Variants in SARS1 observed in about 807,000 individuals in gnomAD.
The protein encoded by SARS1 is seryl-tRNA synthetase 1.
SARS1 carries 25 observed loss-of-function variants against 63.7 expected under a neutral mutation model. That is an observed-to-expected ratio of 0.39 (90% CI 0.29 to 0.55). The LOEUF (loss-of-function observed/expected upper bound fraction) is 0.55, where lower values mean the gene tolerates loss of function less well. Ranked by LOEUF, SARS1 falls within the 20% of genes least tolerant of loss-of-function variation. SARS1 has a pLI of 0.62. For synonymous variants in SARS1, 231 were observed against 243.5 expected, an observed-to-expected ratio of 0.95 and a Z score of 0.48; for missense variants, 417 against 649.7, an observed-to-expected ratio of 0.64 and a Z score of 3.89.
Position 109,238,027 on chromosome 1 carries a change from T to G in SARS1, c.*139T>G. 1.1e-6 allele frequency: 1 copy of G among 880,076 alleles called. No individual in the cohort carries two copies. Among genetic ancestry groups the G allele is most frequent in the Non-Finnish European group, 1.8e-6 (1 of 570,262 alleles). 54.5% of individuals were successfully genotyped at this position (880,076 alleles called of 1,614,324 possible). The stretch of plus-strand genomic sequence containing the variant: ...CGTAGCTGAGAGGGGAACAGTGCCA[T>G]GTACCACACAGATGTTCCTGTCTCC... On this transcript the variant is annotated 3_prime_UTR_variant, in exon 11 of 11. Transcript: ENST00000234677.
chr1:109,220,577 T>A (rs111931243), intron 1 of SARS1, among the ~76,000 whole-genome samples: 4 of 152,374 alleles, frequency 2.6e-5, no homozygotes, highest in African/African-American at 9.6e-5. Flanking sequence ...CTTAGTGGTT[T>A]GTAGGAATTA....
chr1:109,233,722 A>C (rs1655252137), intron 6 of SARS1, among the ~76,000 whole-genome samples: 1 of 151,606 alleles, frequency 6.6e-6, no homozygotes, highest in Admixed American at 6.6e-5. Flanking sequence ...TTTGAGACAG[A>C]GTCTCACTCT....
At chr1:109,233,067 A>C (rs773544810) in intron 6 of SARS1, among the ~76,000 whole-genome samples, 2 of 152,230 alleles carry the variant, frequency 1.3e-5, no homozygotes, top group African/African-American at 2.4e-5. Flanking sequence ...AAATGTTCTA[A>C]GTCTGCATGA....
At position 109,237,702 on chromosome 1, in the gene SARS1, A is replaced by T. The variant is rs748749263; in HGVS notation, c.1388-29A>T. On this transcript the variant is annotated intron_variant, in intron 10 of 10. Transcript: ENST00000234677. The surrounding 1 kb of genome is among the most constrained non-coding windows in gnomAD (Gnocchi z 4.1). ...GGGCTTTGACTCACTGAGAAACAAC[A>T]GGTCATTTGGTTGGCTCTTCCCTCC... 1.9e-6 allele frequency: 3 copies of T among 1,611,448 alleles called. No homozygotes were observed. In the African/African-American group the frequency reaches 4.0e-5, roughly 22 times the overall value.
chr1:109,217,404 T>G (rs866980077), intron 1 of SARS1, among the ~76,000 whole-genome samples: 8 of 152,048 alleles, frequency 5.3e-5, no homozygotes, highest in Non-Finnish European at 7.4e-5. Context: ...GATCATAAAG[T>G]TTAAGCATTA....
intron 1 of SARS1, among the ~76,000 whole-genome samples, chr1:109,218,645 C>G (rs1387556236): frequency 2.0e-5 from 3 of 152,112 alleles, no homozygotes; most frequent in South Asian, 2.1e-4. Context: ...ATAGGGCCTC[C>G]CGCTCTTTGC....
In SARS1 at chr1:109,214,596, C is replaced by T. The variant is rs562391480; in HGVS notation, c.136+468C>T. ...CGTCACTTCTGCAACACAGTAGATT[C>T]ATTCCTTCGGTATCGGAAGCATTTC... On this transcript the variant is annotated intron_variant, in intron 1 of 10. Transcript: ENST00000234677. This position sits in a 1 kb window ranked among gnomAD's most constrained non-coding sequence, Gnocchi z 4.6. 9.7e-5 allele frequency: 96 copies of T among 986,200 alleles called. No individual in the cohort carries two copies. The Middle Eastern group carries it at 2.6e-3, about 27-fold the overall frequency. 61.1% of individuals were successfully genotyped at this position (986,200 alleles called of 1,614,324 possible). A position where few individuals can be genotyped will look rare whatever the true frequency, so the allele number is the denominator to read the frequency against.
rs1366993081 is a variant in SARS1 at position 109,229,871 on chromosome 1, A to G, written c.447+299A>G. ...CTCGTGGGAGGGATCTGCTAAATCAACCTAACCCCTTCACCCACACCCTGC... is the reference window on the plus strand; with the variant it reads ...CTCGTGGGAGGGATCTGCTAAATCAGCCTAACCCCTTCACCCACACCCTGC... On this transcript the variant is annotated intron_variant, in intron 4 of 10. Coordinates refer to ENST00000234677, the MANE Select transcript of SARS1 (RefSeq NM_006513.4). Among the ~76,000 whole-genome samples, 4 of 152,270 alleles carry G rather than the reference A, an allele frequency of 2.6e-5. No individual in the cohort carries two copies. The East Asian group carries it at 7.7e-4, about 29-fold the overall frequency.
At position 109,235,194 on chromosome 1, in the gene SARS1, CTCCT is replaced by C. The variant is rs771374380; in HGVS notation, c.748-8_748-5del. The C allele has an allele frequency of 1.1e-5, 17 of 1,601,036 alleles. No individual in the cohort carries two copies. Among genetic ancestry groups the C allele is most frequent in the Non-Finnish European group, 1.7e-6 (2 of 1,168,208 alleles). ...CCCCACTTCCTCTTAACTGGTATAG[CTCCT>C]TCCTTCCACAGGTGATTGGCAAAGG... On this transcript the variant is annotated splice_polypyrimidine_tract_variant and intron_variant, in intron 6 of 10. Coordinates refer to ENST00000234677, the MANE Select transcript of SARS1 (RefSeq NM_006513.4). This position sits in a 1 kb window ranked among gnomAD's most constrained non-coding sequence, Gnocchi z 4.7.
rs747490645 is a variant in SARS1 at position 109,223,947 on chromosome 1, T to C, written c.137-31T>C. 14 of 1,533,342 alleles carry C rather than the reference T, an allele frequency of 9.1e-6. 1 individual carries two copies. In the South Asian group the frequency reaches 1.3e-4, roughly 15 times the overall value. 95.0% of individuals were successfully genotyped at this position (1,533,342 alleles called of 1,614,324 possible). A position where few individuals can be genotyped will look rare whatever the true frequency, so the allele number is the denominator to read the frequency against. ...GGAGTATCTTAATTATGGGCATTTC[T>C]TTGGTATAGTCTTGGATTCTTTATT... is the stretch of plus-strand genomic sequence containing the variant. On this transcript the variant is annotated intron_variant, in intron 1 of 10. Transcript: ENST00000234677.
chr1:109,222,425 T>C (rs1250896961), intron 1 of SARS1, among the ~76,000 whole-genome samples: 3 of 152,158 alleles, frequency 2.0e-5, no homozygotes, highest in Non-Finnish European at 4.4e-5. Context: ...TGTAAATTTG[T>C]ATAACCACTG....
intron 2 of SARS1, among the ~76,000 whole-genome samples, chr1:109,226,705 C>T (rs570285679): frequency 0.36 from 21,251 of 58,520 alleles, 2,901 homozygotes; most frequent in East Asian, 0.53. Flanking sequence ...TATACACACA[C>T]ACACACACAC....
chr1:109,218,955 T>C (rs866892178), intron 1 of SARS1, among the ~76,000 whole-genome samples: 7 of 152,048 alleles, frequency 4.6e-5, no homozygotes, highest in South Asian at 2.1e-4. Context: ...TACACCAATG[T>C]AACACTTAGA....
intron 6 of SARS1, among the ~76,000 whole-genome samples, chr1:109,232,718 G>A (rs2101203454): frequency 6.6e-6 from 1 of 152,298 alleles, no homozygotes; most frequent in South Asian, 2.1e-4. Context: ...ATGAAGGGAG[G>A]AATGTGTTCC....
chr1:109,224,262 C>A (rs1384404064), intron 2 of SARS1, among the ~76,000 whole-genome samples: 1 of 152,186 alleles, frequency 6.6e-6, no homozygotes, highest in Admixed American at 6.5e-5. Context: ...CTTCTGTGTT[C>A]AGGTAAGATT....
Position 109,214,692 on chromosome 1 carries a change from A to G in SARS1, c.136+564A>G. On this transcript the variant is annotated intron_variant, in intron 1 of 10. Coordinates refer to ENST00000234677, the MANE Select transcript of SARS1 (RefSeq NM_006513.4). This position sits in a 1 kb window ranked among gnomAD's most constrained non-coding sequence, Gnocchi z 4.6. ...TTTTCGGAAGGCCATCCCCCGACCT[A>G]TGGGCATACCTTTAAGAATTAGAAA... 3.0e-6 allele frequency: 3 copies of G among 985,580 alleles called. No homozygotes were observed. The highest frequency in any genetic ancestry group is 4.7e-5 in the South Asian group (1 of 21,310). 61.1% of individuals were successfully genotyped at this position (985,580 alleles called of 1,614,324 possible). A position where few individuals can be genotyped will look rare whatever the true frequency, so the allele number is the denominator to read the frequency against.
Position 109,214,431 on chromosome 1 carries a change from A to G in SARS1, c.136+303A>G, listed in dbSNP as rs1570750963. ...TTCCTGCCCCAGGGGTTGCCAGAACATGCCGGGGCGGGAGGTTGTGGGGTC... is the reference window on the plus strand; with the variant it reads ...TTCCTGCCCCAGGGGTTGCCAGAACGTGCCGGGGCGGGAGGTTGTGGGGTC... On this transcript the variant is annotated intron_variant, in intron 1 of 10. Transcript: ENST00000234677. This position sits in a 1 kb window ranked among gnomAD's most constrained non-coding sequence, Gnocchi z 4.6. 3.8e-6 allele frequency: 3 copies of G among 781,280 alleles called. No individual in the cohort carries two copies. Among genetic ancestry groups the G allele is most frequent in the East Asian group, 5.9e-5 (1 of 16,808 alleles). The allele number at this position is 781,280 out of a possible 1,614,324, so 48.4% of individuals were successfully genotyped here.
Position 109,236,376 on chromosome 1 carries a change from G to C in SARS1, c.1100-15G>C. 6.3e-7 allele frequency: 1 copy of C among 1,584,170 alleles called. No individual in the cohort carries two copies. Among genetic ancestry groups the C allele is most frequent in the Non-Finnish European group, 8.6e-7 (1 of 1,157,798 alleles). ...CCATCCCTCCTTCATGAATTCTAGGGGTTTTTCCTTACAGGTTCTTTGAAT... is the reference window on the plus strand; with the variant it reads ...CCATCCCTCCTTCATGAATTCTAGGCGTTTTTCCTTACAGGTTCTTTGAAT... On this transcript the variant is annotated splice_polypyrimidine_tract_variant and intron_variant, in intron 8 of 10. Transcript: ENST00000234677.
At position 109,237,284 on chromosome 1, in the gene SARS1, C is replaced by G; in HGVS notation, c.1298C>G (p.Thr433Ser). ...VHMLNATMCA[T>S]TRTICAILEN... ...ATGCTCAATGCTACCATGTGCGCCA[C>G]TACCCGTACCATCTGCGCCATCCTG... Residue 433 changes from threonine (T) to serine (S), a missense_variant, in exon 10 of 11, where the codon ACT becomes AGT. By Grantham distance (58) the Thr-to-Ser change is moderately conservative. Transcript: ENST00000234677. This position sits in a 1 kb window ranked among gnomAD's most constrained non-coding sequence, Gnocchi z 4.1. 1 of 1,614,160 alleles carries G rather than the reference C, an allele frequency of 6.2e-7. No homozygotes were observed. The highest frequency in any genetic ancestry group is 1.1e-5 in the South Asian group (1 of 91,076).
Sources: allele counts gnomAD v4.1 joint callset (sites outside exome capture counted in the v4.1 genomes callset), GRCh38; gene constraint gnomAD v4.1.1; non-coding constraint Gnocchi (gnomAD v3.1); transcripts MANE v1.5; gene names NCBI Gene and HGNC (gene_info 2026-07-23, HGNC 2026-07-21).